BAIAP2L1: variants seen among roughly 807,000 people sequenced by gnomAD.
BAIAP2L1 encodes BAR/IMD domain containing adaptor protein 2 like 1.
Under a neutral mutation model 66.3 loss-of-function variants are expected in BAIAP2L1, and 35 were observed. That is an observed-to-expected ratio of 0.53 (90% CI 0.40 to 0.70). The LOEUF (loss-of-function observed/expected upper bound fraction) is 0.70. BAIAP2L1 is among the 30% of genes least tolerant of loss of function. The pLI is 0.00. For missense variants in BAIAP2L1, 622 were observed against 656.9 expected, an observed-to-expected ratio of 0.95 and a Z score of 0.58; for synonymous variants, 269 against 248.7, an observed-to-expected ratio of 1.08 and a Z score of -0.77.
intron 3 of BAIAP2L1, among the ~76,000 whole-genome samples, chr7:98,329,267 G>C (rs574012536): frequency 1.3e-5 from 2 of 152,332 alleles, no homozygotes; most frequent in South Asian, 4.1e-4. Context: ...GGGTGAAGAT[G>C]TACCCTGAAA....
At chr7:98,346,054 T>C (rs1477159013) in intron 3 of BAIAP2L1, among the ~76,000 whole-genome samples, 3 of 152,214 alleles carry the variant, frequency 2.0e-5, no homozygotes, top group Admixed American at 6.6e-5. Context: ...CTAAAGTTAA[T>C]TGTGGTGATA....
At chr7:98,398,544 T>C (rs1330304808) in intron 1 of BAIAP2L1, among the ~76,000 whole-genome samples, 1 of 151,946 alleles carries the variant, frequency 6.6e-6, no homozygotes, top group African/African-American at 2.4e-5. Context: ...TTTAGTGAGC[T>C]TTCCAGTTTG....
intron 3 of BAIAP2L1, among the ~76,000 whole-genome samples, chr7:98,326,989 C>A (rs932334199): frequency 6.6e-6 from 1 of 152,150 alleles, no homozygotes; most frequent in Admixed American, 6.5e-5. Context: ...TTATACTCAG[C>A]GGACATAAAA....
chr7:98,350,091 G>A (rs1801965165), intron 3 of BAIAP2L1, among the ~76,000 whole-genome samples: 2 of 151,538 alleles, frequency 1.3e-5, no homozygotes, highest in Non-Finnish European at 2.9e-5. Flanking sequence ...GGGTTTCAAG[G>A]TAAGACCCTG....
chr7:98,329,385 G>A (rs1206668141), intron 3 of BAIAP2L1, among the ~76,000 whole-genome samples: 1 of 152,172 alleles, frequency 6.6e-6, no homozygotes, highest in Non-Finnish European at 1.5e-5. Flanking sequence ...GAACTGCTGG[G>A]GGCTTGGCAT....
At chr7:98,337,655 C>T (rs954801112) in intron 3 of BAIAP2L1, among the ~76,000 whole-genome samples, 11 of 152,222 alleles carry the variant, frequency 7.2e-5, no homozygotes, top group Admixed American at 1.3e-4. Flanking sequence ...CGGTGGCTCA[C>T]GCCTGTAATC....
intron 3 of BAIAP2L1, among the ~76,000 whole-genome samples, chr7:98,350,865 G>T (rs1011596642): frequency 6.7e-5 from 10 of 149,438 alleles, no homozygotes; most frequent in African/African-American, 1.5e-4. Context: ...GTTTTTGTTT[G>T]TTTTTTTTTG....
At chr7:98,335,057 G>A (rs1431231877) in intron 3 of BAIAP2L1, among the ~76,000 whole-genome samples, 1 of 149,442 alleles carries the variant, frequency 6.7e-6, no homozygotes, top group African/African-American at 2.5e-5. Flanking sequence ...GAAGTCTGAG[G>A]CAGGAGAATG....
intron 11 of BAIAP2L1, among the ~76,000 whole-genome samples, 162 bp from the exon 12 acceptor site, chr7:98,304,538 C>A (rs1800558835): frequency 6.6e-6 from 1 of 152,042 alleles, no homozygotes; most frequent in African/African-American, 2.4e-5. Flanking sequence ...TATATCAATA[C>A]AAAACACTGT....
chr7:98,308,084 G>A (rs1390247482), intron 9 of BAIAP2L1, 188 bp from the exon 10 acceptor site: 9 of 706,710 alleles, frequency 1.3e-5, no homozygotes, highest in Non-Finnish European at 2.3e-5. Flanking sequence ...TTGAGAAACA[G>A]AGGCAGCGTG....
intron 6 of BAIAP2L1, 131 bp downstream of exon 6, chr7:98,317,088 T>A: frequency 8.5e-7 from 1 of 1,170,874 alleles, no homozygotes; most frequent in South Asian, 1.4e-5. Flanking sequence ...CCTGACCTCA[T>A]ATGATCCTAC....
At chr7:98,306,296 T>G in intron 11 of BAIAP2L1, 143 bp downstream of exon 11, 1 of 996,790 alleles carries the variant, frequency 1.0e-6, no homozygotes, top group Non-Finnish European at 1.5e-6. Context: ...GACAGCACTG[T>G]GAGCCGCGGT....
At chr7:98,362,952 G>T (rs1283380197) in intron 1 of BAIAP2L1, among the ~76,000 whole-genome samples, 1 of 152,012 alleles carries the variant, frequency 6.6e-6, no homozygotes, top group Non-Finnish European at 1.5e-5. Context: ...GTGAAAGGGG[G>T]CATTGGTAGC....
chr7:98,354,718 G>A (rs1377574691), intron 3 of BAIAP2L1, among the ~76,000 whole-genome samples: 3 of 152,182 alleles, frequency 2.0e-5, no homozygotes, highest in Non-Finnish European at 4.4e-5. Context: ...CACAGCCCGA[G>A]GCCCCAGGAG....
rs572220483 is a variant in BAIAP2L1, at chr7:98,368,419, AAAAAC to A, written c.52-5992_52-5988del. 3.0e-4 allele frequency among the ~76,000 whole-genome samples: 45 copies of A among 152,230 alleles called. No individual in the cohort carries two copies. The East Asian group carries it at 4.4e-3, about 15-fold the overall frequency. ...GGGTGACAGAGTGAGACTCCATCTC[AAAAAC>A]AAAACAAAACAAAACAAAAGAATCA... On this transcript the variant is annotated intron_variant, in intron 1 of 13. Coordinates refer to ENST00000005260, the MANE Select transcript of BAIAP2L1 (RefSeq NM_018842.5).
intron 3 of BAIAP2L1, among the ~76,000 whole-genome samples, chr7:98,324,214 A>T (rs1400027638): frequency 6.6e-6 from 1 of 152,208 alleles, no homozygotes; most frequent in African/African-American, 2.4e-5. Context: ...CAGTACTGTG[A>T]TTCAGTCTGA....
intron 1 of BAIAP2L1, among the ~76,000 whole-genome samples, chr7:98,380,627 C>G (rs1414074533): frequency 6.6e-6 from 1 of 151,582 alleles, no homozygotes; most frequent in African/African-American, 2.4e-5. Context: ...GACACAGAGC[C>G]AAACCATATC....
chr7:98,393,826 G>A (rs1803131573), intron 1 of BAIAP2L1, among the ~76,000 whole-genome samples: 1 of 149,442 alleles, frequency 6.7e-6, no homozygotes, highest in Non-Finnish European at 1.5e-5. Flanking sequence ...TGGACCAGGC[G>A]CAGTGAGGGG....
chr7:98,337,338 TCTC>T (rs994094187), intron 3 of BAIAP2L1, among the ~76,000 whole-genome samples: 6 of 152,044 alleles, frequency 3.9e-5, no homozygotes, highest in African/African-American at 1.4e-4. Flanking sequence ...TTCAAGCAAT[TCTC>T]CTGCCTCAGT....
Sources: gnomAD v4.1 joint callset for allele counts (sites outside exome capture counted in the v4.1 genomes callset) on GRCh38, gnomAD v4.1.1 for gene constraint, MANE v1.5 for transcripts, NCBI Gene and HGNC (gene_info 2026-07-23, HGNC 2026-07-21) for gene names.